The following SUCLG2 variants were observed in gnomAD, a reference collection of about 807,000 sequenced individuals.
SUCLG2 encodes the protein succinate-CoA ligase GDP-forming subunit beta.
In SUCLG2, 42 loss-of-function variants were observed where a neutral mutation model predicts 47.9. That is an observed-to-expected ratio of 0.88 (90% CI 0.69 to 1.14). SUCLG2 has a LOEUF of 1.14. SUCLG2 is among the 50% of genes most tolerant of loss of function. The pLI, the probability that SUCLG2 is intolerant of heterozygous loss-of-function variation, is 0.00. For missense variants in SUCLG2, 571 were observed against 525.9 expected (o/e 1.09, Z -0.84); for synonymous variants, 195 against 197.3 (o/e 0.99, Z 0.10).
intron 9 of SUCLG2, among the ~76,000 whole-genome samples, chr3:67,488,529 C>G (rs1485787586): frequency 6.6e-6 from 1 of 152,184 alleles, no homozygotes; most frequent in Non-Finnish European, 1.5e-5. Context: ...GTTCACTACC[C>G]ACATCTAATG....
intron 2 of SUCLG2, among the ~76,000 whole-genome samples, chr3:67,562,925 C>A (rs1004418822): frequency 2.0e-5 from 3 of 151,818 alleles, no homozygotes; most frequent in Non-Finnish European, 2.9e-5. Flanking sequence ...TTATCTATAT[C>A]TTTTAATACC....
intron 1 of SUCLG2, 135 bp from the exon 2 acceptor site, chr3:67,609,731 A>T: frequency 1.3e-6 from 1 of 773,432 alleles, no homozygotes; most frequent in Non-Finnish European, 1.9e-6. Context: ...AAAAGAAAAA[A>T]AAAACCCACT....
intron 1 of SUCLG2, among the ~76,000 whole-genome samples, chr3:67,650,795 GC>G (rs776822947): frequency 8.5e-5 from 13 of 152,220 alleles, no homozygotes; most frequent in Non-Finnish European, 1.9e-4. Flanking sequence ...GAAAGGCAGT[GC>G]TTCTCCTACA....
intron 9 of SUCLG2, among the ~76,000 whole-genome samples, chr3:67,491,846 T>C (rs1705215484): frequency 1.3e-5 from 2 of 152,202 alleles, no homozygotes; most frequent in Admixed American, 6.5e-5. Flanking sequence ...TGCGTGTGTG[T>C]CTCAATATGT....
chr3:67,621,296 C>T (rs7629728), intron 1 of SUCLG2, among the ~76,000 whole-genome samples: 67,242 of 151,466 alleles, frequency 0.44, 15,140 homozygotes, highest in African/African-American at 0.5. Context: ...TGAGGTAAAG[C>T]TTACTTGTGG....
chr3:67,423,284 C>A (rs1367026835), intron 9 of SUCLG2, among the ~76,000 whole-genome samples: 1 of 152,106 alleles, frequency 6.6e-6, no homozygotes, highest in Non-Finnish European at 1.5e-5. Flanking sequence ...GTGCCTTCTG[C>A]CATGATTGTA....
chr3:67,425,210 G>T (rs1703267110), intron 9 of SUCLG2, among the ~76,000 whole-genome samples: 1 of 152,096 alleles, frequency 6.6e-6, no homozygotes. Context: ...TTGCCTTCTT[G>T]TACTTAGCAT....
intron 2 of SUCLG2, among the ~76,000 whole-genome samples, chr3:67,542,882 T>C (rs1413754065): frequency 4.6e-5 from 7 of 152,170 alleles, no homozygotes; most frequent in Non-Finnish European, 1.0e-4. Context: ...TGGGAGACTT[T>C]AACATCCCAC....
intron 2 of SUCLG2, among the ~76,000 whole-genome samples, chr3:67,571,980 G>A (rs2107238300): frequency 6.6e-6 from 1 of 152,276 alleles, no homozygotes; most frequent in Middle Eastern, 3.4e-3. Context: ...TACCATAAGA[G>A]GCAATGACAA....
At chr3:67,441,981 G>A (rs1189324231) in intron 9 of SUCLG2, among the ~76,000 whole-genome samples, 1 of 150,850 alleles carries the variant, frequency 6.6e-6, no homozygotes, top group Non-Finnish European at 1.5e-5. Flanking sequence ...AAAAAGGGTT[G>A]ATTTCATCAA....
chr3:67,454,532 G>C (rs1704134248), intron 9 of SUCLG2, among the ~76,000 whole-genome samples: 1 of 152,014 alleles, frequency 6.6e-6, no homozygotes, highest in African/African-American at 2.4e-5. Context: ...TATCTCTATA[G>C]AGATATATGT....
intron 7 of SUCLG2, among the ~76,000 whole-genome samples, chr3:67,506,225 GA>G (rs976048250): frequency 6.6e-6 from 1 of 152,162 alleles, no homozygotes; most frequent in Admixed American, 6.5e-5. Context: ...AAGATAGCTT[GA>G]GGGGACTGTG....
chr3:67,599,457 C>A (rs969832517), intron 2 of SUCLG2, among the ~76,000 whole-genome samples: 6 of 152,154 alleles, frequency 3.9e-5, no homozygotes, highest in Non-Finnish European at 7.4e-5. Context: ...GTAAGAAATT[C>A]TGAGCAAGAG....
At chr3:67,615,205 CA>C (rs1225912526) in intron 1 of SUCLG2, among the ~76,000 whole-genome samples, 1 of 150,342 alleles carries the variant, frequency 6.7e-6, no homozygotes, top group East Asian at 2.0e-4. Context: ...GCTAAGTGGG[CA>C]AAAACTGACA....
intron 1 of SUCLG2, among the ~76,000 whole-genome samples, chr3:67,626,063 A>G (rs1023443159): frequency 3.3e-5 from 5 of 150,708 alleles, no homozygotes; most frequent in African/African-American, 1.2e-4. Context: ...TCTGTCGCCC[A>G]GGCTGGAGTG....
chr3:67,472,038 A>T (rs564426423), intron 9 of SUCLG2, among the ~76,000 whole-genome samples: 1 of 152,334 alleles, frequency 6.6e-6, no homozygotes, highest in South Asian at 2.1e-4. Context: ...AAATAATTTG[A>T]TGTTACATTA....
At chr3:67,521,226 C>T (rs1416769954) in intron 4 of SUCLG2, among the ~76,000 whole-genome samples, 2 of 152,140 alleles carry the variant, frequency 1.3e-5, no homozygotes, top group Non-Finnish European at 2.9e-5. Flanking sequence ...CAGCTTCCTG[C>T]TGCACAGCTC....
chr3:67,456,253 C>T (rs1272128469), intron 9 of SUCLG2, among the ~76,000 whole-genome samples: 3 of 152,042 alleles, frequency 2.0e-5, no homozygotes, highest in African/African-American at 7.2e-5. Context: ...TCCTTTATTA[C>T]CAATCAAATA....
chr3:67,443,183 CATGTT>C (rs1044313386), intron 9 of SUCLG2, among the ~76,000 whole-genome samples: 3 of 152,102 alleles, frequency 2.0e-5, no homozygotes, highest in African/African-American at 4.8e-5. Context: ...TATATTGTAT[CATGTT>C]ATATCAGGGA....
Sources: gnomAD v4.1 joint callset for allele counts (sites outside exome capture counted in the v4.1 genomes callset) on GRCh38, gnomAD v4.1.1 for gene constraint, MANE v1.5 for transcripts, NCBI Gene and HGNC (gene_info 2026-07-23, HGNC 2026-07-21) for gene names.